The following RYR2 variants were observed in gnomAD, a reference collection of about 807,000 sequenced individuals.
RYR2 encodes the protein ryanodine receptor 2.
Under a neutral mutation model 601.1 loss-of-function variants are expected in RYR2, and 227 were observed. The ratio of observed to expected loss-of-function variants is 0.38; its 90% CI spans 0.34 to 0.42. The LOEUF is 0.42. Ranked by LOEUF, RYR2 falls within the 10% of genes least tolerant of loss-of-function variation. RYR2 has a pLI of 1.00. For missense variants in RYR2, 4,646 were observed against 6,156.5 expected, an observed-to-expected ratio of 0.75 and a Z score of 8.21; for synonymous variants, 2,223 against 2,175.1, an observed-to-expected ratio of 1.02 and a Z score of -0.61.
intron 1 of RYR2, among the ~76,000 whole-genome samples, chr1:237,068,430 G>A (rs1050839124): frequency 2.0e-5 from 3 of 152,118 alleles, no homozygotes; most frequent in African/African-American, 7.2e-5. Flanking sequence ...TTGCCCATGT[G>A]CTGTTGAAGC....
intron 62 of RYR2, among the ~76,000 whole-genome samples, chr1:237,681,324 G>A (rs577187617): frequency 2.0e-5 from 3 of 152,290 alleles, no homozygotes; most frequent in Non-Finnish European, 4.4e-5. Flanking sequence ...TGGACTTGAC[G>A]TCGATGCTGT....
At chr1:237,698,105 AGTGTGTGTGTGTGTGTGT>A (rs3999833) in intron 63 of RYR2, among the ~76,000 whole-genome samples, 25 of 140,142 alleles carry the variant, frequency 1.8e-4, no homozygotes, top group Non-Finnish European at 3.4e-4. Flanking sequence ...AGGAGATGAT[AGTGTGTGTGTGTGTGTGT>A]GTGTGTGTGT....
intron 1 of RYR2, among the ~76,000 whole-genome samples, chr1:237,195,989 G>T (rs538834123): frequency 6.6e-6 from 1 of 152,154 alleles, no homozygotes; most frequent in Non-Finnish European, 1.5e-5. Context: ...GTCTTGTCCG[G>T]CATGTTGTAA....
intron 79 of RYR2, among the ~76,000 whole-genome samples, chr1:237,735,917 T>C (rs1428550242): frequency 1.3e-5 from 2 of 152,208 alleles, no homozygotes; most frequent in Non-Finnish European, 2.9e-5. Flanking sequence ...GTTGACTCCA[T>C]GGATTCAGAA....
intron 4 of RYR2, 122 bp from the exon 5 acceptor site, chr1:237,364,236 G>T: frequency 3.9e-6 from 3 of 778,554 alleles, no homozygotes; most frequent in Non-Finnish European, 1.9e-6. Context: ...TTTTTTTTAT[G>T]TTTATTGTTT....
intron 24 of RYR2, among the ~76,000 whole-genome samples, chr1:237,515,669 T>A (rs1666366056): frequency 1.1e-4 from 1 of 8,970 alleles, no homozygotes; most frequent in African/African-American, 4.0e-4. Flanking sequence ...TCCCCTCCCT[T>A]TTTTTCCTTC....
chr1:237,376,679 G>A (rs1039184751), intron 7 of RYR2, among the ~76,000 whole-genome samples: 3 of 150,412 alleles, frequency 2.0e-5, no homozygotes, highest in South Asian at 4.1e-4. Flanking sequence ...GCTTATGCTT[G>A]ACTTGTGCTA....
At chr1:237,243,985 C>T (rs1356179858) in intron 1 of RYR2, among the ~76,000 whole-genome samples, 5 of 152,160 alleles carry the variant, frequency 3.3e-5, no homozygotes, top group African/African-American at 1.2e-4. Context: ...ATTCTCCTTG[C>T]ACCATCCTGG....
chr1:237,668,880 A>AT (rs771251263), intron 58 of RYR2, among the ~76,000 whole-genome samples: 13 of 151,820 alleles, frequency 8.6e-5, no homozygotes, highest in Admixed American at 2.0e-4. Flanking sequence ...TTTATTTTTT[A>AT]TTTTTTTTAT....
intron 24 of RYR2, among the ~76,000 whole-genome samples, chr1:237,523,540 G>A (rs1667288886): frequency 6.6e-6 from 1 of 152,116 alleles, no homozygotes; most frequent in African/African-American, 2.4e-5. Context: ...TTAGAAACCA[G>A]CCTGGCCAAC....
intron 1 of RYR2, among the ~76,000 whole-genome samples, chr1:237,143,267 ACTTT>A (rs1673589374): frequency 6.6e-6 from 1 of 152,020 alleles, no homozygotes; most frequent in African/African-American, 2.4e-5. Context: ...TGAAACCCAA[ACTTT>A]CTGACATGAG....
At chr1:237,645,969 C>T (rs1301475633) in intron 48 of RYR2, among the ~76,000 whole-genome samples, 9 of 151,272 alleles carry the variant, frequency 5.9e-5, no homozygotes, top group Non-Finnish European at 1.0e-4. Flanking sequence ...CTCCGCCTCC[C>T]GGGTTCACGC....
At chr1:237,059,568 A>C (rs774151880) in intron 1 of RYR2, among the ~76,000 whole-genome samples, 20 of 152,160 alleles carry the variant, frequency 1.3e-4, no homozygotes, top group Non-Finnish European at 2.6e-4. Context: ...AGTGTTTTTG[A>C]TAAGATTCTT....
chr1:237,657,045 TGTTG>T (rs1182850846), intron 53 of RYR2, among the ~76,000 whole-genome samples: 1 of 152,214 alleles, frequency 6.6e-6, no homozygotes, highest in African/African-American at 2.4e-5. Context: ...ATGGTTTTGG[TGTTG>T]GTTGATTAAA....
At chr1:237,427,182 A>G (rs978934682) in intron 12 of RYR2, among the ~76,000 whole-genome samples, 2 of 152,196 alleles carry the variant, frequency 1.3e-5, no homozygotes, top group African/African-American at 4.8e-5. Context: ...AAAAAGAAGT[A>G]AAGTGTTACT....
At chr1:237,417,224 A>G in intron 11 of RYR2, 101 bp downstream of exon 11, 1 of 845,484 alleles carries the variant, frequency 1.2e-6, no homozygotes, top group African/African-American at 1.7e-5. Flanking sequence ...TACAGCAAGC[A>G]AGCGAACAAA....
intron 2 of RYR2, among the ~76,000 whole-genome samples, chr1:237,328,792 C>T (rs1364931112): frequency 6.6e-6 from 1 of 151,940 alleles, no homozygotes; most frequent in Non-Finnish European, 1.5e-5. Context: ...AAAATCATTC[C>T]AATGGTAGAG....
intron 11 of RYR2, among the ~76,000 whole-genome samples, chr1:237,420,554 A>G (rs1177630480): frequency 6.6e-6 from 1 of 152,112 alleles, no homozygotes; most frequent in African/African-American, 2.4e-5. Context: ...GGGTCTGGGC[A>G]TGTGAGACCA....
intron 24 of RYR2, among the ~76,000 whole-genome samples, chr1:237,516,287 C>T (rs942854081): frequency 5.1e-4 from 69 of 135,760 alleles, no homozygotes; most frequent in African/African-American, 1.5e-3. Flanking sequence ...ATTTTTCTTT[C>T]GTATTTTTTT....
Sources: allele counts gnomAD v4.1 joint callset (sites outside exome capture counted in the v4.1 genomes callset), GRCh38; gene constraint gnomAD v4.1.1; transcripts MANE v1.5; gene names NCBI Gene and HGNC (gene_info 2026-07-23, HGNC 2026-07-21).